Variants in RTL4 observed in about 807,000 individuals in gnomAD.
RTL4 encodes the protein retrotransposon Gag-like protein 4.
In RTL4, 4 loss-of-function variants were observed where a neutral mutation model predicts 5.3. That is an observed-to-expected ratio of 0.75 (90% CI 0.37 to 1.72). RTL4 has a LOEUF of 1.72. Ranked by LOEUF, RTL4 falls within the 40% of genes most tolerant of loss-of-function variation. RTL4 has a pLI of 0.04. For missense variants in RTL4, 260 were observed against 227.1 expected (o/e 1.14, Z -0.93); for synonymous variants, 98 against 87.3 (o/e 1.12, Z -0.68).
the RTL4 span, among the ~76,000 whole-genome samples, chrX:112,204,950 C>T: frequency 5.4e-5 from 6 of 110,971 alleles, no homozygotes; most frequent in African/African-American, 2.0e-4. Flanking sequence ...GTACGCACAA[C>T]TTAAAAAAAA....
chrX:112,299,151 G>A, the RTL4 span, among the ~76,000 whole-genome samples: 1 of 111,161 alleles, frequency 9.0e-6, no homozygotes, highest in Non-Finnish European at 1.9e-5. Context: ...GCGTACTGAC[G>A]TGCCCTGAGT....
the RTL4 span, among the ~76,000 whole-genome samples, chrX:112,293,952 C>T: frequency 1.2e-4 from 13 of 111,550 alleles, no homozygotes; most frequent in African/African-American, 4.2e-4. Context: ...AGCAAGTGCT[C>T]ATACTCAGAA....
the RTL4 span, among the ~76,000 whole-genome samples, chrX:112,435,721 T>C: frequency 8.9e-6 from 1 of 112,073 alleles, no homozygotes; most frequent in African/African-American, 3.2e-5. Flanking sequence ...ACAAGTGATA[T>C]TATCTTGAGA....
the RTL4 span, among the ~76,000 whole-genome samples, chrX:112,198,337 A>G: frequency 2.7e-5 from 3 of 111,622 alleles, no homozygotes; most frequent in South Asian, 1.1e-3. Flanking sequence ...AGATTTATTT[A>G]TTATCATGTG....
At chrX:112,138,633 T>G in the RTL4 span, among the ~76,000 whole-genome samples, 2 of 111,603 alleles carry the variant, frequency 1.8e-5, no homozygotes, top group South Asian at 7.5e-4. Context: ...AGTTTTGGTC[T>G]TATTATCCAA....
the RTL4 span, among the ~76,000 whole-genome samples, chrX:112,085,224 T>G: frequency 8.9e-6 from 1 of 112,159 alleles, no homozygotes; most frequent in African/African-American, 3.2e-5. Context: ...AGGCTACATC[T>G]GCAAAAGTGG....
At chrX:112,144,591 A>G in the RTL4 span, among the ~76,000 whole-genome samples, 1 of 111,560 alleles carries the variant, frequency 9.0e-6, no homozygotes, top group Admixed American at 9.5e-5. Context: ...TGCACATTGG[A>G]ATCACCTAGG....
At chrX:112,181,658 T>C in the RTL4 span, among the ~76,000 whole-genome samples, 1 of 112,064 alleles carries the variant, frequency 8.9e-6, no homozygotes, top group Admixed American at 9.4e-5. Context: ...AGGGCATCTC[T>C]GAAAGAAAGG....
the RTL4 span, among the ~76,000 whole-genome samples, chrX:112,116,503 C>A: frequency 9.0e-6 from 1 of 111,510 alleles, no homozygotes; most frequent in African/African-American, 3.3e-5. Flanking sequence ...CCTTATTTGT[C>A]CCTGCCCACA....
the RTL4 span, among the ~76,000 whole-genome samples, chrX:112,333,109 AAT>A: frequency 9.3e-6 from 1 of 107,045 alleles, no homozygotes; most frequent in African/African-American, 3.5e-5. Context: ...TGTGTGTGTG[AAT>A]ATATTCAATG....
chrX:112,169,756 A>G, the RTL4 span, among the ~76,000 whole-genome samples: 1 of 111,547 alleles, frequency 9.0e-6, no homozygotes, highest in Non-Finnish European at 1.9e-5. Context: ...ACTTCCATAT[A>G]GCTTCTGATA....
At chrX:112,303,500 T>C in the RTL4 span, among the ~76,000 whole-genome samples, 24 of 102,362 alleles carry the variant, frequency 2.3e-4, no homozygotes, top group African/African-American at 5.1e-4. Context: ...AGTAAACTAT[T>C]GCAAGGACAA....
chrX:112,149,743 C>T, the RTL4 span, among the ~76,000 whole-genome samples: 2 of 112,027 alleles, frequency 1.8e-5, no homozygotes, highest in African/African-American at 6.5e-5. Flanking sequence ...ATGAATAAGG[C>T]AGATGGTGTT....
At chrX:112,157,840 G>A in the RTL4 span, among the ~76,000 whole-genome samples, 1 of 111,750 alleles carries the variant, frequency 8.9e-6, no homozygotes, top group Admixed American at 9.5e-5. Context: ...CCTTGACCTT[G>A]GACCTTCCTT....
the RTL4 span, among the ~76,000 whole-genome samples, chrX:112,264,637 G>A: frequency 8.9e-6 from 1 of 111,893 alleles, no homozygotes; most frequent in African/African-American, 3.3e-5. Flanking sequence ...ACTGTTTCTA[G>A]TGTTTAGTAG....
chrX:112,224,305 CATTTATTTATTTATTTATTTATTT>C, the RTL4 span, among the ~76,000 whole-genome samples: 1 of 90,754 alleles, frequency 1.1e-5, no homozygotes, highest in Non-Finnish European at 2.2e-5. Context: ...CTTCCAGATA[CATTTATTTATTTATTTATTTATTT>C]ATTTATTTAT....
At chrX:112,304,652 T>C in the RTL4 span, among the ~76,000 whole-genome samples, 1 of 99,969 alleles carries the variant, frequency 1.0e-5, no homozygotes, top group East Asian at 3.1e-4. Context: ...TTTTTTTTTT[T>C]TTTTTTTTTT....
At chrX:112,292,167 C>G in the RTL4 span, among the ~76,000 whole-genome samples, 2 of 111,935 alleles carry the variant, frequency 1.8e-5, no homozygotes, top group African/African-American at 6.5e-5. Context: ...CTTTATACCT[C>G]TATTCAGGTC....
At chrX:112,413,700 G>A in the RTL4 span, among the ~76,000 whole-genome samples, 12 of 110,938 alleles carry the variant, frequency 1.1e-4, no homozygotes, top group African/African-American at 2.9e-4. Context: ...CAAGAGGCTG[G>A]GAAGGGTAGT....
Sources: allele counts gnomAD v4.1 joint callset (sites outside exome capture counted in the v4.1 genomes callset), GRCh38; gene constraint gnomAD v4.1.1; transcripts MANE v1.5; gene names NCBI Gene and HGNC (gene_info 2026-07-23, HGNC 2026-07-21).